The following NCOR2 variants were observed in gnomAD, a reference collection of about 807,000 sequenced individuals.
The protein encoded by NCOR2 is nuclear receptor corepressor 2.
In NCOR2, 81 loss-of-function variants were observed where a neutral mutation model predicts 262.9. The ratio of observed to expected loss-of-function variants is 0.31; its 90% CI spans 0.26 to 0.37. The LOEUF (loss-of-function observed/expected upper bound fraction) is 0.37. Ranked by LOEUF, NCOR2 falls within the 10% of genes least tolerant of loss-of-function variation. The pLI is 1.00. For synonymous variants in NCOR2, 1,659 were observed against 1,559.3 expected, an observed-to-expected ratio of 1.06 and a Z score of -1.51; for missense variants, 3,385 against 3,621.4, an observed-to-expected ratio of 0.93 and a Z score of 1.68.
At chr12:124,426,031 G>A (rs1434530619) in intron 11 of NCOR2, among the ~76,000 whole-genome samples, 1 of 152,216 alleles carries the variant, frequency 6.6e-6, no homozygotes, top group Non-Finnish European at 1.5e-5. Flanking sequence ...CCACTGGCCA[G>A]CTGCCGCCCT....
At position 124,454,286 on chromosome 12, in the gene NCOR2, T is replaced by C. The variant is rs1050508432; in HGVS notation, c.762+2820A>G. ...AGGCGTCCTCCCTGTCCCCACTGACTGGCACCAAGCCAGGGGCCTTCAAGA... is the reference window on the plus strand; with the variant it reads ...AGGCGTCCTCCCTGTCCCCACTGACCGGCACCAAGCCAGGGGCCTTCAAGA... On this transcript the variant is annotated intron_variant, in intron 6 of 46. Coordinates refer to ENST00000405201, the Ensembl canonical transcript of NCOR2. This position sits in a 1 kb window ranked among gnomAD's most constrained non-coding sequence, Gnocchi z 5.6. Among the ~76,000 whole-genome samples the C allele has an allele frequency of 6.6e-6, 1 of 152,174 alleles. No individual in the cohort carries two copies. The highest frequency in any genetic ancestry group is 6.5e-5 in the Admixed American group (1 of 15,278).
intron 13 of NCOR2, among the ~76,000 whole-genome samples, chr12:124,405,659 G>A (rs545060005): frequency 6.6e-5 from 10 of 152,336 alleles, no homozygotes; most frequent in African/African-American, 9.6e-5. Context: ...GTGGCCACCC[G>A]GGAGGCCGAG....
At position 124,395,812 on chromosome 12, in the gene NCOR2, C is replaced by T. The variant is rs951405665; in HGVS notation, c.1876+2307G>A. Among the ~76,000 whole-genome samples, 23 of 152,084 alleles carry T rather than the reference C, an allele frequency of 1.5e-4. 1 individual carries two copies. The highest frequency in any genetic ancestry group is 9.2e-4 in the Admixed American group (14 of 15,274). The stretch of plus-strand genomic sequence containing the variant: ...TTGGGGATGTCCACGCGGAGTCCTC[C>T]GATGGGTGGGTGCTCTGGGAAATCT... On this transcript the variant is annotated intron_variant, in intron 16 of 46. Coordinates refer to ENST00000405201, the Ensembl canonical transcript of NCOR2.
At chr12:124,510,934 C>T (rs1226142881) in intron 1 of NCOR2, among the ~76,000 whole-genome samples, 1 of 152,240 alleles carries the variant, frequency 6.6e-6, no homozygotes, top group African/African-American at 2.4e-5. Context: ...GGACTCCAAC[C>T]TGTGCTGCTG....
chr12:124,490,574 T>C (rs953866171), intron 1 of NCOR2, among the ~76,000 whole-genome samples: 3 of 152,032 alleles, frequency 2.0e-5, no homozygotes, highest in African/African-American at 7.3e-5. Flanking sequence ...TTAAGAGCCA[T>C]CACCAAGCAC....
chr12:124,536,956 C>A (rs2051132543), upstream of NCOR2, among the ~76,000 whole-genome samples: 1 of 152,200 alleles, frequency 6.6e-6, no homozygotes, highest in African/African-American at 2.4e-5. Flanking sequence ...TATGACTCTG[C>A]AATCAAGAGG....
intron 13 of NCOR2, among the ~76,000 whole-genome samples, chr12:124,408,309 G>A (rs1208212403): frequency 3.3e-5 from 5 of 151,848 alleles, no homozygotes; most frequent in African/African-American, 1.2e-4. Flanking sequence ...AGCCAAGATC[G>A]CGCCACTGCA....
chr12:124,399,463 C>G (rs1305729885), intron 15 of NCOR2, among the ~76,000 whole-genome samples: 3 of 152,306 alleles, frequency 2.0e-5, no homozygotes, highest in Admixed American at 6.5e-5. Flanking sequence ...ACACCGCCAC[C>G]AAGAGGCAGC....
intron 8 of NCOR2, among the ~76,000 whole-genome samples, chr12:124,433,884 AC>A (rs2044162681): frequency 1.6e-5 from 2 of 123,786 alleles, no homozygotes; most frequent in Non-Finnish European, 3.2e-5. Context: ...ACACACACAC[AC>A]ACACACACAC....
chr12:124,429,078 G>A (rs1163989149), intron 10 of NCOR2, among the ~76,000 whole-genome samples: 2 of 152,252 alleles, frequency 1.3e-5, no homozygotes, highest in African/African-American at 4.8e-5. Context: ...GGCCTGAGGG[G>A]AAACCGGCCC....
intron 41 of NCOR2, among the ~76,000 whole-genome samples, chr12:124,333,892 GTGTGCGCGCGCA>G (rs2035549446): frequency 1.3e-5 from 2 of 149,326 alleles, no homozygotes; most frequent in Non-Finnish European, 1.5e-5. Context: ...GTGCATGTGT[GTGTGCGCGCGCA>G]TGTGTGCGGG....
chr12:124,402,533 T>G, exon 14 of NCOR2: 1 of 1,568,614 alleles, frequency 6.4e-7, no homozygotes, highest in Non-Finnish European at 8.6e-7. Flanking sequence ...CTGCTGCTGC[T>G]GCTGCTGCTG....
intron 1 of NCOR2, among the ~76,000 whole-genome samples, chr12:124,490,934 T>C (rs2048051750): frequency 6.6e-6 from 1 of 152,180 alleles, no homozygotes; most frequent in Admixed American, 6.5e-5. Flanking sequence ...GGACCCCATA[T>C]CGATTTGTGA....
intron 13 of NCOR2, 129 bp from the exon 16 acceptor site, chr12:124,402,690 A>G: frequency 6.7e-7 from 1 of 1,488,872 alleles, no homozygotes; most frequent in Non-Finnish European, 9.0e-7. Flanking sequence ...CACCCAGAAG[A>G]GGTCATAAAC....
At chr12:124,497,296 C>T (rs910265550), upstream of NCOR2, among the ~76,000 whole-genome samples, 3 of 152,206 alleles carry the variant, frequency 2.0e-5, no homozygotes, top group African/African-American at 7.2e-5. The surrounding 1 kb of genome is among the most constrained non-coding windows in gnomAD (Gnocchi z 4.2). Context: ...TGGGCTTTCC[C>T]AGCCCCGAGA....
intron 1 of NCOR2, among the ~76,000 whole-genome samples, chr12:124,492,399 A>G (rs2048137709): frequency 6.6e-6 from 1 of 152,186 alleles, no homozygotes; most frequent in African/African-American, 2.4e-5. Context: ...CTGAGGTCTC[A>G]CAGGCTCCAG....
At chr12:124,346,414 C>T in intron 31 of NCOR2, 150 bp downstream of exon 33, 1 of 877,324 alleles carries the variant, frequency 1.1e-6, no homozygotes, top group South Asian at 2.3e-5. Context: ...ACACGCACAG[C>T]TGAGGCCCGG....
chr12:124,345,021 T>C (rs2036793599), intron 31 of NCOR2, 70 bp from the exon 34 acceptor site: 2 of 1,363,002 alleles, frequency 1.5e-6, no homozygotes, highest in East Asian at 2.5e-5. Flanking sequence ...ATCCCCCTTC[T>C]GAGCCTCAAA....
Position 124,503,601 on chromosome 12 carries a change from TGGAC to T in NCOR2, c.-117-8237_-117-8234del, listed in dbSNP as rs778870402. ...ACGGACGGATGGACGGATGGATGGATGGACGGACGGACGGATGGATGGATGGATG... is the reference window on the plus strand; with the variant it reads ...ACGGACGGATGGACGGATGGATGGATGGACGGACGGATGGATGGATGGATG... On this transcript the variant is annotated intron_variant, in intron 1 of 46. Transcript: ENST00000404621. This position sits in a 1 kb window ranked among gnomAD's most constrained non-coding sequence, Gnocchi z 4.3. Among the ~76,000 whole-genome samples the T allele has an allele frequency of 1.2e-4, 16 of 131,794 alleles. No individual in the cohort carries two copies. The highest frequency in any genetic ancestry group is 2.4e-4 in the African/African-American group (8 of 32,950). 86.5% of individuals were successfully genotyped at this position (131,794 alleles called of 152,430 possible). A position where few individuals can be genotyped will look rare whatever the true frequency, so the allele number is the denominator to read the frequency against.
Sources: allele counts gnomAD v4.1 joint callset (sites outside exome capture counted in the v4.1 genomes callset), GRCh38; gene constraint gnomAD v4.1.1; non-coding constraint Gnocchi (gnomAD v3.1); transcripts MANE v1.5; gene names NCBI Gene and HGNC (gene_info 2026-07-23, HGNC 2026-07-21).